The following ADGRF1 variants were observed in gnomAD, a reference collection of about 807,000 sequenced individuals.
The protein encoded by ADGRF1 is adhesion G protein-coupled receptor F1.
Under a neutral mutation model 87.2 loss-of-function variants are expected in ADGRF1, and 85 were observed. The observed-to-expected ratio is 0.97, with a 90% CI of 0.82 to 1.17. ADGRF1 has a LOEUF of 1.17. Ranked by LOEUF, ADGRF1 falls within the 50% of genes most tolerant of loss-of-function variation. The pLI is 0.00. For missense variants in ADGRF1, 1,169 were observed against 1,077.2 expected, an observed-to-expected ratio of 1.09 and a Z score of -1.19; for synonymous variants, 430 against 408.8, an observed-to-expected ratio of 1.05 and a Z score of -0.63.
chr6:47,033,715 A>G (rs1780503008), intron 1 of ADGRF1, among the ~76,000 whole-genome samples: 1 of 152,244 alleles, frequency 6.6e-6, no homozygotes, highest in Non-Finnish European at 1.5e-5. Flanking sequence ...GTTTTGCTTT[A>G]TCTCTCATTT....
At chr6:47,025,355 CT>C (rs1780197821) in intron 4 of ADGRF1, among the ~76,000 whole-genome samples, 3 of 152,280 alleles carry the variant, frequency 2.0e-5, no homozygotes, top group East Asian at 3.9e-4. Context: ...TGCTGCTGGC[CT>C]GGGGACCATG....
Position 47,012,083 on chromosome 6 carries a change from G to T in ADGRF1, c.1040C>A (p.Ser347Ter), listed in dbSNP as rs779914905. 6.2e-7 allele frequency: 1 copy of T among 1,614,072 alleles called. No individual in the cohort carries two copies. The highest frequency in any genetic ancestry group is 8.5e-7 in the Non-Finnish European group (1 of 1,179,968). The change falls in exon 10 of 15, where the codon TCG (serine) becomes TAG (stop). Residue 347 changes from serine to a stop codon, truncating the protein, a stop_gained. Transcript: ENST00000371253. LOFTEE classifies it high-confidence loss of function. The part of the protein sequence containing the change: ...NPSTTVGNLA[S>*]VVSILSNISS... ...AATATTGCTCAGAATCGACACCACCGAAGCCAGATTCCCCACTGTGGTTGA... is the reference window on the plus strand; with the variant it reads ...AATATTGCTCAGAATCGACACCACCTAAGCCAGATTCCCCACTGTGGTTGA...
intron 9 of ADGRF1, chr6:47,013,441 G>A: frequency 2.0e-6 from 2 of 985,464 alleles, no homozygotes; most frequent in South Asian, 4.7e-5. Flanking sequence ...CTATTCTGGG[G>A]TTTTCTACTG....
chr6:47,024,434 C>A, intron 4 of ADGRF1: 1 of 440,336 alleles, frequency 2.3e-6, no homozygotes, highest in South Asian at 3.5e-5. Flanking sequence ...TGTGCGTCAG[C>A]CACCTGAGTA....
At chr6:47,015,559 C>T (rs1333450561) in intron 8 of ADGRF1, among the ~76,000 whole-genome samples, 6 of 144,708 alleles carry the variant, frequency 4.1e-5, no homozygotes, top group Non-Finnish European at 8.8e-5. Context: ...TACAGGTGCA[C>T]ACCACGATGC....
rs533581654 is a variant in ADGRF1 at position 46,997,823 on chromosome 6, C to T, written c.*2399G>A. 4.6e-5 allele frequency: 7 copies of T among 152,170 alleles called. No homozygotes were observed. Among genetic ancestry groups the T allele is most frequent in the Admixed American group, 3.3e-4 (5 of 15,288 alleles). 9.4% of individuals were successfully genotyped at this position (152,170 alleles called of 1,614,324 possible). ...GATATCTGATCAAACATTTTTTTGT[C>T]TCTCATCATCCTCATAAAATTTATT... On this transcript the variant is annotated 3_prime_UTR_variant, in exon 15 of 15. Coordinates refer to ENST00000371253, the MANE Select transcript of ADGRF1 (RefSeq NM_153840.4).
At position 47,023,598 on chromosome 6, in the gene ADGRF1, G is replaced by T. The variant is rs144437527; in HGVS notation, c.451+446C>A. ...AACAAGGCATTCAGTACACATATTT[G>T]TTGACAATTGAGAGATTTCTTTTAA... is the stretch of plus-strand genomic sequence containing the variant. On this transcript the variant is annotated intron_variant, in intron 5 of 14. Coordinates refer to ENST00000371253, the MANE Select transcript of ADGRF1 (RefSeq NM_153840.4). Among the ~76,000 whole-genome samples, 279 of 152,254 alleles carry T rather than the reference G, an allele frequency of 1.8e-3. 1 individual carries two copies. Among genetic ancestry groups the T allele is most frequent in the African/African-American group, 6.1e-3 (254 of 41,548 alleles).
intron 9 of ADGRF1, chr6:47,012,550 A>G: frequency 1.4e-6 from 1 of 714,152 alleles, no homozygotes; most frequent in Non-Finnish European, 1.7e-6. Flanking sequence ...TCATTTTCAT[A>G]TAAATTATTA....
rs772740586 is a variant in ADGRF1, at chr6:47,042,241, A to C, written c.-94T>G. On this transcript the variant is annotated 5_prime_UTR_variant, in exon 1 of 15. Coordinates refer to ENST00000371253, the MANE Select transcript of ADGRF1 (RefSeq NM_153840.4). ...AACTCGAGGGAGCCCTTCCTTCAGT[A>C]TACTTGTGGCTCAATCACTTCTTAT... 2 of 152,194 alleles carry C rather than the reference A, an allele frequency of 1.3e-5. No homozygotes were observed. The highest frequency in any genetic ancestry group is 2.9e-5 in the Non-Finnish European group (2 of 68,040). The allele number at this position is 152,194 out of a possible 1,614,324, so 9.4% of individuals were successfully genotyped here.
In ADGRF1 at chr6:47,028,942, C is replaced by T. The variant is rs371400250; in HGVS notation, c.69+51G>A. 2,583 of 1,445,148 alleles carry T rather than the reference C, an allele frequency of 1.8e-3. 6 individuals are homozygous for T. The highest frequency in any genetic ancestry group is 2.4e-3 in the Non-Finnish European group (2,483 of 1,025,934). 89.5% of individuals were successfully genotyped at this position (1,445,148 alleles called of 1,614,324 possible). ...GTGAGGGGTTCTAAAAGTGCCGGAACGAGAGAGGAGAGTTAGTTGAGAAGA... is the reference window on the plus strand; with the variant it reads ...GTGAGGGGTTCTAAAAGTGCCGGAATGAGAGAGGAGAGTTAGTTGAGAAGA... On this transcript the variant is annotated intron_variant, in intron 2 of 14. Coordinates refer to ENST00000371253, the MANE Select transcript of ADGRF1 (RefSeq NM_153840.4).
chr6:47,025,995 C>T lies in ADGRF1; in HGVS notation c.136G>A (p.Glu46Lys), dbSNP rs780934217. The change falls in exon 4 of 15, where the codon GAA becomes AAA. Residue 46 changes from glutamate to lysine, a missense_variant. By Grantham distance (56) the Glu-to-Lys change is moderately conservative (BLOSUM62 1). Transcript: ENST00000371253. ...VNKKKHLGPVEEYQLLLQVTY... is the reference protein window; with the variant it reads ...VNKKKHLGPVKEYQLLLQVTY... ...ACCTGAAGCAGCAGCTGATATTCTT[C>T]GACTGGGCCTAAAGAGAGAAAGAGA... is the stretch of plus-strand genomic sequence containing the variant. 22 of 1,598,808 alleles carry T rather than the reference C, an allele frequency of 1.4e-5. No individual in the cohort carries two copies. Among genetic ancestry groups the T allele is most frequent in the South Asian group, 4.4e-5 (4 of 90,086 alleles).
In ADGRF1 at chr6:46,998,703, C is replaced by T. The variant is rs1239654735; in HGVS notation, c.*1519G>A. ...ATTTGAGGTCAAGGAGCAGACATTC[C>T]TCCTTCTCTCACTTTTGTGGGTAGG... On this transcript the variant is annotated 3_prime_UTR_variant, in exon 15 of 15. Coordinates refer to ENST00000371253, the MANE Select transcript of ADGRF1 (RefSeq NM_153840.4). 1 of 152,246 alleles carries T rather than the reference C, an allele frequency of 6.6e-6. No individual in the cohort carries two copies. The highest frequency in any genetic ancestry group is 1.5e-5 in the Non-Finnish European group (1 of 68,042). The allele number at this position is 152,246 out of a possible 1,614,324, so 9.4% of individuals were successfully genotyped here.
In ADGRF1 at chr6:47,009,805, A is replaced by T. The variant is rs748565869; in HGVS notation, c.1630T>A (p.Trp544Arg). The change falls in exon 11 of 15, where the codon TGG becomes AGG. Residue 544 changes from tryptophan to arginine, a missense_variant. Physicochemically the swap from Trp to Arg is moderately radical, Grantham distance 101. Transcript: ENST00000371253. ...CVFWDFSHLQ[W>R]NDAGCHLVNE... Reference sequence around the variant, plus strand: ...ACTAGGTGGCAGCCTGCATCGTTCCACTGCAAATGACTGAAATCCCAAAAC... The same window carrying T: ...ACTAGGTGGCAGCCTGCATCGTTCCTCTGCAAATGACTGAAATCCCAAAAC... 186 of 1,614,042 alleles carry T rather than the reference A, an allele frequency of 1.2e-4. No individual in the cohort carries two copies. The highest frequency in any genetic ancestry group is 1.6e-4 in the Non-Finnish European group (185 of 1,180,018).
rs374462680 is a variant in ADGRF1 at position 47,031,351 on chromosome 6, GTCTCTCTC to G, written c.-43-2255_-43-2248del. ...CTCTCTTCTCTCTCTCTCTCTCTCTGTCTCTCTCTCTCTCTCTCTCTCTCTCTCTCTCT... is the reference window on the plus strand; with the variant it reads ...CTCTCTTCTCTCTCTCTCTCTCTCTGTCTCTCTCTCTCTCTCTCTCTCTCT... On this transcript the variant is annotated intron_variant, in intron 1 of 14. Coordinates refer to ENST00000371253, the MANE Select transcript of ADGRF1 (RefSeq NM_153840.4). Among the ~76,000 whole-genome samples, 1,048 of 110,774 alleles carry G rather than the reference GTCTCTCTC, an allele frequency of 9.5e-3. 21 individuals are homozygous for G. The highest frequency in any genetic ancestry group is 0.054 in the East Asian group (208 of 3,882). 72.7% of individuals were successfully genotyped at this position (110,774 alleles called of 152,430 possible).
At position 47,014,845 on chromosome 6, in the gene ADGRF1, C is replaced by A. The variant is rs1162554604; in HGVS notation, c.764-1G>T. ...CCAAAGACAATGTCATTACACTGGGCTGGAAACAAAAGAAAACAACAAAGA... is the reference window on the plus strand; with the variant it reads ...CCAAAGACAATGTCATTACACTGGGATGGAAACAAAAGAAAACAACAAAGA... On this transcript the variant is annotated splice_acceptor_variant, in intron 8 of 14. Transcript: ENST00000371253. LOFTEE classifies it high-confidence loss of function. The A allele has an allele frequency of 6.3e-7, 1 of 1,592,256 alleles. No individual in the cohort carries two copies. The highest frequency in any genetic ancestry group is 1.1e-5 in the South Asian group (1 of 88,642).
rs562623079 is a variant in ADGRF1, at chr6:47,000,393, GA to G, written c.2660-99del. 1.2e-3 allele frequency: 990 copies of G among 859,074 alleles called. 21 individuals carry two copies. The South Asian group carries it at 0.016, about 14-fold the overall frequency. The allele number at this position is 859,074 out of a possible 1,614,324, so 53.2% of individuals were successfully genotyped here. On this transcript the variant is annotated intron_variant, in intron 14 of 14. Coordinates refer to ENST00000371253, the MANE Select transcript of ADGRF1 (RefSeq NM_153840.4). ...AGCCTGTAGATTATTTCACAACTAG[GA>G]ACAGTTTTTAAAAGATTCTAGGTAA...
chr6:47,012,424 G>T, intron 9 of ADGRF1: 1 of 710,282 alleles, frequency 1.4e-6, no homozygotes, highest in Non-Finnish European at 1.9e-6. Flanking sequence ...TCCTTTGAGG[G>T]AGGTACCATT....
chr6:47,041,388 G>A (rs1311966741), intron 1 of ADGRF1, among the ~76,000 whole-genome samples: 3 of 152,050 alleles, frequency 2.0e-5, no homozygotes, highest in Non-Finnish European at 4.4e-5. Context: ...ATGGATCTCA[G>A]CATGAAAAAG....
At chr6:47,032,989 C>T (rs1780476096) in intron 1 of ADGRF1, among the ~76,000 whole-genome samples, 1 of 152,210 alleles carries the variant, frequency 6.6e-6, no homozygotes, top group Non-Finnish European at 1.5e-5. Flanking sequence ...CTGAACTTCG[C>T]CTTTAGTAAA....
Sources: allele counts gnomAD v4.1 joint callset (sites outside exome capture counted in the v4.1 genomes callset), GRCh38; gene constraint gnomAD v4.1.1; transcripts MANE v1.5; gene names NCBI Gene and HGNC (gene_info 2026-07-23, HGNC 2026-07-21).